Variants in UGT2A2 observed in about 807,000 individuals in gnomAD.
The protein encoded by UGT2A2 is UDP glucuronosyltransferase family 2 member A2, also known as UDP-glucuronosyltransferase 2A2.
In UGT2A2, 60 loss-of-function variants were observed where a neutral mutation model predicts 50.7. That is an observed-to-expected ratio of 1.18 (90% CI 0.96 to 1.47). The LOEUF is 1.47. Among genes scored for constraint, UGT2A2 ranks in the 40% most tolerant of loss-of-function variants. UGT2A2 has a pLI of 0.00. For synonymous variants in UGT2A2, 242 were observed against 214.6 expected (o/e 1.13, Z -1.11); for missense variants, 762 against 634.0 (o/e 1.20, Z -2.17).
chr4:69,594,581 G>A lies in UGT2A2; in HGVS notation c.1227C>T (p.Asn409=). 2 of 1,614,128 alleles carry A rather than the reference G, an allele frequency of 1.2e-6. No individual in the cohort carries two copies. The highest frequency in any genetic ancestry group is 1.3e-5 in the African/African-American group (1 of 75,030). The change falls in exon 5 of 6, where the codon AAC becomes AAT. Residue 409 remains asparagine, a synonymous_variant. Coordinates refer to ENST00000604629, the MANE Select transcript of UGT2A2 (RefSeq NM_001105677.2). Reference sequence around the variant, plus strand: ...CTCCTTTGGCCTTCATGTGAGCAATGTTATCAGGCTGATCAGCAAACATGG... The same window carrying A: ...CTCCTTTGGCCTTCATGTGAGCAATATTATCAGGCTGATCAGCAAACATGG... The part of the protein sequence containing the change: ...GVPMFADQPD[N]IAHMKAKGAA...
intron 5 of UGT2A2, 132 bp downstream of exon 5, chr4:69,594,345 A>ATT (rs1357165363): frequency 1.1e-5 from 14 of 1,230,648 alleles, no homozygotes; most frequent in Non-Finnish European, 1.5e-5. Context: ...GGCAAATAAA[A>ATT]TAGTTTTTAT....
chr4:69,611,234 C>A (rs1400830541), intron 1 of UGT2A2, among the ~76,000 whole-genome samples: 1 of 151,552 alleles, frequency 6.6e-6, no homozygotes, highest in African/African-American at 2.4e-5. Context: ...CAGTCTCGAC[C>A]TCCTGGCTTC....
intron 1 of UGT2A2, among the ~76,000 whole-genome samples, chr4:69,615,181 T>C (rs1720302040): frequency 6.6e-6 from 1 of 151,998 alleles, no homozygotes; most frequent in South Asian, 2.1e-4. Flanking sequence ...TCTCTCACCA[T>C]ACACAAAAAT....
intron 2 of UGT2A2, among the ~76,000 whole-genome samples, chr4:69,596,836 T>C (rs1227584923): frequency 6.6e-6 from 1 of 152,168 alleles, no homozygotes; most frequent in African/African-American, 2.4e-5. Context: ...ATAGTCTCCT[T>C]AAGAGGAAAC....
At position 69,596,130 on chromosome 4, in the gene UGT2A2, TG is replaced by T. The variant is rs375567613; in HGVS notation, c.1023+119del. 5.6e-3 allele frequency: 7,288 copies of T among 1,294,140 alleles called. 47 individuals carry two copies. The highest frequency in any genetic ancestry group is 0.029 in the South Asian group (928 of 32,276). 80.2% of individuals were successfully genotyped at this position (1,294,140 alleles called of 1,614,324 possible). ...TATATTACACAACGTTACTTACAACTGTTACTAGTGATACTCAGTGTATAAT... is the reference window on the plus strand; with the variant it reads ...TATATTACACAACGTTACTTACAACTTTACTAGTGATACTCAGTGTATAAT... On this transcript the variant is annotated intron_variant, in intron 3 of 5. Transcript: ENST00000604629.
At position 69,595,196 on chromosome 4, in the gene UGT2A2, C is replaced by G. The variant is rs377454721; in HGVS notation, c.1077G>C (p.Gln359His). Residue 359 changes from glutamine to histidine, a missense_variant, in exon 4 of 6, where the codon CAG (glutamine) becomes CAC (histidine). Physicochemically the swap from Gln to His is conservative, Grantham distance 24. Transcript: ENST00000604629. The part of the protein sequence containing the change: ...KKPATLGNNT[Q>H]LFDWIPQNDL... ...CATTCTGGGGTATCCAATCAAAGAG[C>G]TGAGTATTGTTTCCTAATGTGGCTG... The G allele has an allele frequency of 3.8e-5, 61 of 1,613,832 alleles. 1 individual carries two copies. In the South Asian group the frequency reaches 5.3e-4, roughly 14 times the overall value.
intron 1 of UGT2A2, among the ~76,000 whole-genome samples, chr4:69,623,932 G>A (rs1490675431): frequency 6.6e-6 from 1 of 151,406 alleles, no homozygotes; most frequent in Non-Finnish European, 1.5e-5. Context: ...GAATGCCCAG[G>A]ACAAGCACCT....
chr4:69,602,429 A>C (rs1414834960), intron 1 of UGT2A2, among the ~76,000 whole-genome samples: 1 of 129,660 alleles, frequency 7.7e-6, no homozygotes. Flanking sequence ...TTAAACAAGA[A>C]AAACAATTTT....
intron 1 of UGT2A2, among the ~76,000 whole-genome samples, chr4:69,624,136 C>T (rs1184489607): frequency 6.6e-6 from 1 of 151,490 alleles, no homozygotes; most frequent in Non-Finnish European, 1.5e-5. Context: ...TAATTTTCAT[C>T]AATTTACTTT....
chr4:69,632,155 A>C (rs1170036759), intron 1 of UGT2A2, among the ~76,000 whole-genome samples: 1 of 152,174 alleles, frequency 6.6e-6, no homozygotes, highest in Non-Finnish European at 1.5e-5. Context: ...ATTCAAAGAT[A>C]ATTACATTCA....
intron 1 of UGT2A2, among the ~76,000 whole-genome samples, chr4:69,622,268 A>G (rs1042604213): frequency 5.9e-5 from 9 of 151,322 alleles, no homozygotes; most frequent in Admixed American, 2.6e-4. Context: ...AATACATAAC[A>G]AAGTAATAAT....
intron 2 of UGT2A2, among the ~76,000 whole-genome samples, chr4:69,598,465 G>A (rs1259271461): frequency 6.6e-6 from 1 of 151,862 alleles, no homozygotes; most frequent in Non-Finnish European, 1.5e-5. Flanking sequence ...TCATATTGTA[G>A]CATACAATTT....
chr4:69,591,107 C>T (rs1004266073), intron 5 of UGT2A2, among the ~76,000 whole-genome samples: 1 of 152,144 alleles, frequency 6.6e-6, no homozygotes, highest in Non-Finnish European at 1.5e-5. Context: ...TTATAGTTCT[C>T]ATTTTTTTGC....
At position 69,639,078 on chromosome 4, in the gene UGT2A2, A is replaced by T; in HGVS notation, c.563T>A (p.Val188Glu). ...YTLRFSPAST[V>E]ERHCGKIPAP... Reference sequence around the variant, plus strand: ...TGGGATTTTCCCACAGTGTCTCTCCACTGTTGATGCTGGAGAGAACCTCAA... The same window carrying T: ...TGGGATTTTCCCACAGTGTCTCTCCTCTGTTGATGCTGGAGAGAACCTCAA... The change falls in exon 1 of 6, where the codon GTG (valine) becomes GAG (glutamate). Residue 188 changes from valine to glutamate, a missense_variant. Val to Glu is a moderately radical substitution (Grantham distance 121). Coordinates refer to ENST00000604629, the MANE Select transcript of UGT2A2 (RefSeq NM_001105677.2). 6.2e-7 allele frequency: 1 copy of T among 1,613,426 alleles called. No individual in the cohort carries two copies. The highest frequency in any genetic ancestry group is 8.5e-7 in the Non-Finnish European group (1 of 1,179,652).
chr4:69,596,287 T>C lies in UGT2A2; in HGVS notation c.986A>G (p.Asn329Ser). The change falls in exon 3 of 6, where the codon AAT (asparagine) becomes AGT (serine). Residue 329 changes from asparagine (N) to serine (S), a missense_variant. Asn to Ser is a conservative substitution (Grantham distance 46, BLOSUM62 1). Coordinates refer to ENST00000604629, the MANE Select transcript of UGT2A2 (RefSeq NM_001105677.2). ...CTGGGCAAGGGCTGAGGCAATAAGA[T>C]TGGCCTTTTCTTCTGTAAGGTTTTT... ...MVKNLTEEKANLIASALAQIP... is the reference protein window; with the variant it reads ...MVKNLTEEKASLIASALAQIP... 3 of 1,608,190 alleles carry C rather than the reference T, an allele frequency of 1.9e-6. No individual in the cohort carries two copies. The highest frequency in any genetic ancestry group is 2.6e-6 in the Non-Finnish European group (3 of 1,176,454).
chr4:69,637,757 G>C (rs9917881), intron 1 of UGT2A2, among the ~76,000 whole-genome samples: 1,813 of 152,178 alleles, frequency 0.012, 29 homozygotes, highest in African/African-American at 0.041. Flanking sequence ...CCATGAGATA[G>C]AGAATTTGAT....
chr4:69,614,804 A>G (rs1463067530), intron 1 of UGT2A2, among the ~76,000 whole-genome samples: 3 of 152,030 alleles, frequency 2.0e-5, no homozygotes, highest in Non-Finnish European at 4.4e-5. Flanking sequence ...CTGTTCTCAC[A>G]TTACTATAAA....
At chr4:69,614,041 C>A (rs2109922802) in intron 1 of UGT2A2, among the ~76,000 whole-genome samples, 1 of 151,984 alleles carries the variant, frequency 6.6e-6, no homozygotes, top group Middle Eastern at 3.4e-3. Flanking sequence ...GTCAATTATT[C>A]TTATTTACAA....
At chr4:69,636,933 A>G (rs1209438769) in intron 1 of UGT2A2, among the ~76,000 whole-genome samples, 1 of 152,148 alleles carries the variant, frequency 6.6e-6, no homozygotes, top group Non-Finnish European at 1.5e-5. Context: ...CTGAAGCCAC[A>G]TGCATTTTTC....
Sources: gnomAD v4.1 joint callset for allele counts (sites outside exome capture counted in the v4.1 genomes callset) on GRCh38, gnomAD v4.1.1 for gene constraint, MANE v1.5 for transcripts, NCBI Gene and HGNC (gene_info 2026-07-23, HGNC 2026-07-21) for gene names.